MYH13: variants seen among roughly 807,000 people sequenced by gnomAD.
MYH13 encodes myosin heavy chain 13.
MYH13 carries 177 observed loss-of-function variants against 232.1 expected under a neutral mutation model. That is an observed-to-expected ratio of 0.76 (90% CI 0.67 to 0.86). MYH13 has a LOEUF of 0.86. Ranked by LOEUF, MYH13 falls within the 40% of genes least tolerant of loss-of-function variation. The probability of loss-of-function intolerance (pLI) is 0.00; values close to 1 mark genes in which losing one functional copy is unlikely to be tolerated. For missense variants in MYH13, 2,246 were observed against 2,405.9 expected (o/e 0.93, Z 1.39); for synonymous variants, 884 against 923.5 (o/e 0.96, Z 0.78).
At position 10,320,444 on chromosome 17, in the gene MYH13, G is replaced by T. The variant is rs371880753; in HGVS notation, c.3164C>A (p.Ala1055Glu). Residue 1055 changes from alanine (A) to glutamate (E), a missense_variant, in exon 25 of 41, where the codon GCG becomes GAG. By Grantham distance (107) the Ala-to-Glu change is moderately radical (BLOSUM62 -1). Coordinates refer to ENST00000252172, the MANE Select transcript of MYH13 (RefSeq NM_003802.3). ...CAGATCTCCTTCCAGCTTCCTCTTC[G>T]CCCTTTCCAAGTCCGCCCGCAGTTT... Reference protein sequence around the residue: ...EKKLRADLERAKRKLEGDLKM... With the variant: ...EKKLRADLEREKRKLEGDLKM... 6.2e-6 allele frequency: 10 copies of T among 1,613,248 alleles called. No individual in the cohort carries two copies. In the African/African-American group the frequency reaches 1.2e-4, roughly 19 times the overall value.
intron 23 of MYH13, 45 bp downstream of exon 23, chr17:10,323,977 G>T (rs1385458220): frequency 6.2e-7 from 1 of 1,605,046 alleles, no homozygotes; most frequent in Non-Finnish European, 8.5e-7. Flanking sequence ...GAGAGAGAGA[G>T]TGAAGCCTGT....
intron 22 of MYH13, 117 bp downstream of exon 22, chr17:10,327,749 G>A: frequency 7.6e-7 from 1 of 1,313,568 alleles, no homozygotes; most frequent in East Asian, 2.4e-5. Context: ...TACTCCACAT[G>A]ACCACTGGGT....
rs753086074 is a variant in MYH13, at chr17:10,328,099, A to G, written c.2458T>C (p.Tyr820His). Residue 820 changes from tyrosine to histidine, a missense_variant, in exon 22 of 41, where the codon TAC (tyrosine) becomes CAC (histidine). Tyr to His is a moderately conservative substitution (Grantham distance 83, BLOSUM62 2). Transcript: ENST00000252172. Reference protein sequence around the residue: ...ERRDSIFCIQYNIRSFMNVKH... With the variant: ...ERRDSIFCIQHNIRSFMNVKH... ...ACGTTCATAAAAGAGCGGATGTTGTACTGGATGCAGAAGATGGAGTCCCTG... is the reference window on the plus strand; with the variant it reads ...ACGTTCATAAAAGAGCGGATGTTGTGCTGGATGCAGAAGATGGAGTCCCTG... 2.5e-6 allele frequency: 4 copies of G among 1,613,926 alleles called. No individual in the cohort carries two copies. Among genetic ancestry groups the G allele is most frequent in the South Asian group, 2.2e-5 (2 of 91,068 alleles).
In MYH13 at chr17:10,312,693, C is replaced by T. The variant is rs751311864; in HGVS notation, c.4246G>A (p.Ala1416Thr). 35 of 1,613,458 alleles carry T rather than the reference C, an allele frequency of 2.2e-5. No homozygotes were observed. The highest frequency in any genetic ancestry group is 2.7e-5 in the Non-Finnish European group (32 of 1,179,814). The change falls in exon 31 of 41, where the codon GCA (alanine) becomes ACA (threonine). Residue 1416 changes from alanine (A) to threonine (T), a missense_variant. Coordinates refer to ENST00000252172, the MANE Select transcript of MYH13 (RefSeq NM_003802.3). ...CTCTGCTTGGTTTTCTCCAACGATG[C>T]GCACTTGGAGTTCGCCGTCTCCGTG... is the stretch of plus-strand genomic sequence containing the variant. ...ENTETANSKC[A>T]SLEKTKQRLQ... is the part of the protein sequence containing the mutation.
rs1906674737 is a variant in MYH13, at chr17:10,315,578, G to C, written c.3984+115C>G. Reference sequence around the variant, plus strand: ...CAAAGTGCTGGGATTACAGGTGTGAGTCACCGTGCCCAGCTGCAGCAGATT... The same window carrying C: ...CAAAGTGCTGGGATTACAGGTGTGACTCACCGTGCCCAGCTGCAGCAGATT... On this transcript the variant is annotated intron_variant, in intron 29 of 40. Coordinates refer to ENST00000252172, the MANE Select transcript of MYH13 (RefSeq NM_003802.3). 3.3e-6 allele frequency: 3 copies of C among 904,916 alleles called. No individual in the cohort carries two copies. In the East Asian group the frequency reaches 7.9e-5, roughly 24 times the overall value. 56.1% of individuals were successfully genotyped at this position (904,916 alleles called of 1,614,324 possible). A position where few individuals can be genotyped will look rare whatever the true frequency, so the allele number is the denominator to read the frequency against.
rs762028306 is a variant in MYH13 at position 10,306,451 on chromosome 17, A to ACCCGGTTTTT, written c.5466+7_5466+8insAAAAACCGGG. On this transcript the variant is annotated splice_region_variant and intron_variant, in intron 37 of 40. Transcript: ENST00000252172. This position sits in a 1 kb window ranked among gnomAD's most constrained non-coding sequence, Gnocchi z 4.3. ...CTTTCAGAGTAACAGTCCTCTCAAA[A>ACCCGGTTTTT]ACTCTACCCGGTTCTCCAGTTTCTG... The ACCCGGTTTTT allele has an allele frequency of 1.2e-6, 2 of 1,613,774 alleles. No individual in the cohort carries two copies. The highest frequency in any genetic ancestry group is 2.7e-5 in the African/African-American group (2 of 74,814).
At position 10,321,513 on chromosome 17, in the gene MYH13, A is replaced by G. The variant is rs764023684; in HGVS notation, c.3111+19T>C. 2 of 1,605,650 alleles carry G rather than the reference A, an allele frequency of 1.2e-6. No individual in the cohort carries two copies. The highest frequency in any genetic ancestry group is 2.2e-5 in the South Asian group (2 of 89,838). ...CCACAAGTGATAAATGCTAAAGCAT[A>G]GTAGTAAAATATCCTCACATCATCT... On this transcript the variant is annotated intron_variant, in intron 24 of 40. Coordinates refer to ENST00000252172, the MANE Select transcript of MYH13 (RefSeq NM_003802.3).
chr17:10,369,695 T>G (rs2071864430), intron 2 of MYH13, among the ~76,000 whole-genome samples: 1 of 107,652 alleles, frequency 9.3e-6, no homozygotes, highest in Non-Finnish European at 2.5e-5. Context: ...AAGTAGAGAT[T>G]TTTTCTCCCT....
At chr17:10,344,576 G>C (rs1490337760) in intron 15 of MYH13, among the ~76,000 whole-genome samples, 2 of 151,860 alleles carry the variant, frequency 1.3e-5, no homozygotes, top group African/African-American at 2.4e-5. Context: ...CCAGTACTTT[G>C]GGAGGCTGAG....
At chr17:10,354,064 T>C (rs1298525668) in intron 11 of MYH13, among the ~76,000 whole-genome samples, 2 of 152,202 alleles carry the variant, frequency 1.3e-5, no homozygotes, top group East Asian at 3.9e-4. Context: ...AATAATGACA[T>C]AATTTTGAGA....
intron 3 of MYH13, 119 bp from the exon 4 acceptor site, chr17:10,362,622 A>G: frequency 7.6e-7 from 1 of 1,316,862 alleles, no homozygotes; most frequent in Non-Finnish European, 1.1e-6. Context: ...GTGATGGATA[A>G]TTTCATGGAT....
rs768417686 is a variant in MYH13, at chr17:10,315,944, TCAACTGTGTCTGTTGCTCGTC to T, written c.3799_3819del (p.Asp1267_Leu1273del). Reference sequence around the variant, plus strand: ...GCTTTCTGCATGTTCAGATCATGGATCAACTGTGTCTGTTGCTCGTCCTTGGCTTTGATTTCACTAAATTGA... The same window carrying T: ...GCTTTCTGCATGTTCAGATCATGGATCTTGGCTTTGATTTCACTAAATTGA... On this transcript the variant is annotated inframe_deletion, in exon 28 of 41. Transcript: ENST00000252172. 6.2e-6 allele frequency: 10 copies of T among 1,614,032 alleles called. No homozygotes were observed. Among genetic ancestry groups the T allele is most frequent in the Non-Finnish European group, 6.8e-6 (8 of 1,179,908 alleles).
Position 10,359,157 on chromosome 17 carries a change from G to A in MYH13, c.645+803C>T, listed in dbSNP as rs1023605444. Among the ~76,000 whole-genome samples the A allele has an allele frequency of 3.9e-5, 6 of 152,162 alleles. 1 individual carries two copies. Among genetic ancestry groups the A allele is most frequent in the African/African-American group, 7.2e-5 (3 of 41,434 alleles). ...TGCTAATGAGATGATTGGTGGCTTC[G>A]GGGTCCTGGACAGCTCAGGATGGGG... On this transcript the variant is annotated intron_variant, in intron 7 of 40. Coordinates refer to ENST00000252172, the MANE Select transcript of MYH13 (RefSeq NM_003802.3).
intron 28 of MYH13, 38 bp from the exon 29 acceptor site, chr17:10,315,849 A>G: frequency 1.2e-6 from 2 of 1,613,528 alleles, no homozygotes; most frequent in Non-Finnish European, 1.7e-6. Context: ...AGTGTTACTG[A>G]CCACCCTCTC....
At chr17:10,311,807 G>A (rs1567656593) in intron 32 of MYH13, 104 bp downstream of exon 32, 2 of 1,329,166 alleles carry the variant, frequency 1.5e-6, no homozygotes, top group Admixed American at 1.8e-5. Context: ...GGATCGTGTG[G>A]GGCAGTGGGA....
In MYH13 at chr17:10,303,494, C is replaced by T. The variant is rs374874203; in HGVS notation, c.5471G>A (p.Arg1824Gln). 77 of 1,613,550 alleles carry T rather than the reference C, an allele frequency of 4.8e-5. 1 individual carries two copies. Among genetic ancestry groups the T allele is most frequent in the South Asian group, 4.1e-4 (37 of 91,072 alleles). ...KQIQKLENRVRELENELDVEQ... is the reference protein window; with the variant it reads ...KQIQKLENRVQELENELDVEQ... ...CACATCAAGCTCATTTTCCAGCTCCCGCACCTGAGTAGGATGAAAGGAACA... is the reference window on the plus strand; with the variant it reads ...CACATCAAGCTCATTTTCCAGCTCCTGCACCTGAGTAGGATGAAAGGAACA... The change falls in exon 38 of 41, where the codon CGG (arginine) becomes CAG (glutamine). Residue 1824 changes from arginine (R) to glutamine (Q), a missense_variant. Physicochemically the swap from Arg to Gln is conservative, Grantham distance 43. Transcript: ENST00000252172.
At chr17:10,324,413 A>G (rs1229453186) in intron 22 of MYH13, 149 bp from the exon 23 acceptor site, 8 of 892,906 alleles carry the variant, frequency 9.0e-6, no homozygotes, top group Non-Finnish European at 6.8e-6. Flanking sequence ...CACACTGCAC[A>G]CACACGTGTA....
intron 13 of MYH13, 77 bp from the exon 14 acceptor site, chr17:10,345,693 C>T (rs2071658651): frequency 6.2e-7 from 1 of 1,609,406 alleles, no homozygotes; most frequent in South Asian, 1.1e-5. Context: ...ATGAAATTGA[C>T]TCGAAAATCA....
In MYH13 at chr17:10,300,868, G is replaced by T; in HGVS notation, c.*83C>A. On this transcript the variant is annotated 3_prime_UTR_variant, in exon 41 of 41. Transcript: ENST00000252172. ...ATAAACACAGCAGAGCCGGGAATCC[G>T]AGTATTTAGGAGAATTTATTTCTCA... 1.5e-6 allele frequency: 2 copies of T among 1,375,840 alleles called. No individual in the cohort carries two copies. Among genetic ancestry groups the T allele is most frequent in the South Asian group, 1.2e-5 (1 of 84,920 alleles). The allele number at this position is 1,375,840 out of a possible 1,614,324, so 85.2% of individuals were successfully genotyped here. A position where few individuals can be genotyped will look rare whatever the true frequency, so the allele number is the denominator to read the frequency against.
Sources: gnomAD v4.1 joint callset for allele counts (sites outside exome capture counted in the v4.1 genomes callset) on GRCh38, gnomAD v4.1.1 for gene constraint, Gnocchi (gnomAD v3.1) non-coding constraint, MANE v1.5 for transcripts, NCBI Gene and HGNC (gene_info 2026-07-23, HGNC 2026-07-21) for gene names.